TMC5: variants seen among roughly 807,000 people sequenced by gnomAD.
The protein encoded by TMC5 is transmembrane channel like 5.
TMC5 carries 86 observed loss-of-function variants against 110.5 expected under a neutral mutation model. The observed-to-expected ratio is 0.78, with a 90% CI of 0.65 to 0.93. The LOEUF is 0.93. TMC5 is among the 40% of genes least tolerant of loss of function. TMC5 has a pLI of 0.00. For synonymous variants in TMC5, 455 were observed against 439.5 expected (o/e 1.04, Z -0.44); for missense variants, 1,144 against 1,222.8 (o/e 0.94, Z 0.96).
intron 2 of TMC5, among the ~76,000 whole-genome samples, chr16:19,435,881 A>G (rs1967333490): frequency 6.6e-6 from 1 of 152,212 alleles, no homozygotes; most frequent in African/African-American, 2.4e-5. Context: ...TCTCTGTAGT[A>G]TTTCATGGGA....
intron 1 of TMC5, among the ~76,000 whole-genome samples, chr16:19,419,543 G>T (rs1311588240): frequency 6.6e-6 from 1 of 150,714 alleles, no homozygotes; most frequent in Non-Finnish European, 1.5e-5. Context: ...CTCCGGAGTA[G>T]CTGGGACTAC....
chr16:19,456,784 C>T, intron 5 of TMC5: 1 of 1,614,116 alleles, frequency 6.2e-7, no homozygotes, highest in African/African-American at 1.3e-5. Context: ...GCCACCCATC[C>T]TCAAATCAGA....
chr16:19,429,659 G>A (rs74013771), intron 1 of TMC5, among the ~76,000 whole-genome samples: 9,105 of 152,224 alleles, frequency 0.06, 519 homozygotes, highest in African/African-American at 0.15. Context: ...AAAAAGAATG[G>A]GAGCTTCCAG....
chr16:19,438,114 A>T (rs1386120407), intron 2 of TMC5, among the ~76,000 whole-genome samples: 1 of 152,160 alleles, frequency 6.6e-6, no homozygotes, highest in Non-Finnish European at 1.5e-5. Flanking sequence ...ACTGGAGGCC[A>T]GGTGCAGTGG....
intron 5 of TMC5, chr16:19,456,592 C>A: frequency 6.7e-7 from 1 of 1,490,576 alleles, no homozygotes; most frequent in East Asian, 2.3e-5. Flanking sequence ...TGGTGTATCC[C>A]TTTGTGATCA....
rs115632650 is a variant in TMC5 at position 19,496,984 on chromosome 16, G to A, written c.2932-137G>A. The A allele has an allele frequency of 6.3e-3, 4,537 of 715,048 alleles. 149 individuals are homozygous for A. In the African/African-American group the frequency reaches 0.071, roughly 11 times the overall value. The allele number at this position is 715,048 out of a possible 1,614,324, so 44.3% of individuals were successfully genotyped here. On this transcript the variant is annotated intron_variant, in intron 20 of 21. Transcript: ENST00000542583. ...AAAACATGTTCAATATTTCTATGGC[G>A]GAGACTTGGCCTTAATCTCTCATCC...
chr16:19,444,624 A>G (rs1341402330), intron 4 of TMC5, among the ~76,000 whole-genome samples: 1 of 152,206 alleles, frequency 6.6e-6, no homozygotes. Context: ...ATCTGTTCCA[A>G]AATAATTTTT....
rs1334495884 is a variant in TMC5 at position 19,472,193 on chromosome 16, G to T, written c.1888G>T (p.Ala630Ser). 9 of 1,614,030 alleles carry T rather than the reference G, an allele frequency of 5.6e-6. No homozygotes were observed. The highest frequency in any genetic ancestry group is 5.0e-5 in the Admixed American group (3 of 59,998). ...MVAWVVSTGV[A>S]IACCAAVYYL... ...AGCCTGGGTTGTCTCTACAGGAGTG[G>T]CCATAGCCTGCTGTGCAGCCGTTTA... Residue 630 changes from alanine (A) to serine (S), a missense_variant, in exon 11 of 22, where the codon GCC becomes TCC. Transcript: ENST00000542583.
intron 19 of TMC5, among the ~76,000 whole-genome samples, chr16:19,493,603 G>A (rs1968974910): frequency 6.6e-6 from 1 of 152,100 alleles, no homozygotes; most frequent in African/African-American, 2.4e-5. Context: ...TGGGATTACA[G>A]GTGTGTGCCA....
chr16:19,434,160 TA>T, intron 2 of TMC5, among the ~76,000 whole-genome samples: 1 of 52,592 alleles, frequency 1.9e-5, no homozygotes, highest in African/African-American at 4.3e-5. Context: ...TATAGATCTA[TA>T]TATGATATAT....
chr16:19,457,713 T>TTTTTC (rs1349929066), intron 5 of TMC5, among the ~76,000 whole-genome samples: 3 of 67,394 alleles, frequency 4.5e-5, no homozygotes, highest in East Asian at 6.9e-4. Context: ...TACATTCTTT[T>TTTTTC]TTTTTTTTTT....
intron 19 of TMC5, 58 bp from the exon 20 acceptor site, chr16:19,494,204 C>T: frequency 1.4e-6 from 2 of 1,388,674 alleles, no homozygotes; most frequent in Non-Finnish European, 2.0e-6. Context: ...TTCTCAATTC[C>T]ATACCATCAT....
chr16:19,429,451 A>G (rs1967151091), intron 1 of TMC5, among the ~76,000 whole-genome samples: 1 of 152,240 alleles, frequency 6.6e-6, no homozygotes. Flanking sequence ...ATCGAGGCTG[A>G]CAGCCAAAGT....
At chr16:19,413,446 C>T (rs1203173135), upstream of TMC5, among the ~76,000 whole-genome samples, 1 of 144,454 alleles carries the variant, frequency 6.9e-6, no homozygotes, top group Non-Finnish European at 1.5e-5. Flanking sequence ...ATTGCTTGAG[C>T]CCGGGAGGCA....
chr16:19,472,623 C>A (rs768559594), intron 11 of TMC5, among the ~76,000 whole-genome samples: 2 of 152,220 alleles, frequency 1.3e-5, no homozygotes, highest in Non-Finnish European at 2.9e-5. Flanking sequence ...TGTCGTTTCA[C>A]AGCCCTGGGG....
chr16:19,440,520 C>A lies in TMC5; in HGVS notation c.482C>A (p.Pro161Gln). ...THPDHFGSLE[P>Q]DYPGAQSNSD... is the part of the protein sequence containing the mutation. Reference sequence around the variant, plus strand: ...CCAGATCATTTTGGCTCCTTAGAACCGGACTACCCTGGAGCTCAGAGCAAC... The same window carrying A: ...CCAGATCATTTTGGCTCCTTAGAACAGGACTACCCTGGAGCTCAGAGCAAC... Residue 161 changes from proline (P) to glutamine (Q), a missense_variant, in exon 3 of 22, where the codon CCG (proline) becomes CAG (glutamine). Physicochemically the swap from Pro to Gln is moderately conservative, Grantham distance 76 (BLOSUM62 -1). Transcript: ENST00000542583. 6.2e-7 allele frequency: 1 copy of A among 1,614,126 alleles called. No individual in the cohort carries two copies. Among genetic ancestry groups the A allele is most frequent in the East Asian group, 2.2e-5 (1 of 44,880 alleles).
chr16:19,438,407 AAGAAGAAAG>A (rs1225377164), intron 2 of TMC5, among the ~76,000 whole-genome samples: 2 of 71,486 alleles, frequency 2.8e-5, no homozygotes, highest in African/African-American at 1.2e-4. Context: ...AAAAAAAAAA[AAGAAGAAAG>A]AAAAGAAAAA....
chr16:19,477,192 G>A (rs1968510143), intron 12 of TMC5: 1 of 333,264 alleles, frequency 3.0e-6, no homozygotes, highest in Non-Finnish European at 5.7e-6. Flanking sequence ...ATCTTGCAGT[G>A]AGCTGAGATC....
intron 13 of TMC5, among the ~76,000 whole-genome samples, chr16:19,478,948 A>G (rs1968551279): frequency 6.6e-6 from 1 of 152,204 alleles, no homozygotes; most frequent in Non-Finnish European, 1.5e-5. Flanking sequence ...AGTTTCATAA[A>G]CTGACTAATT....
Sources: gnomAD v4.1 joint callset for allele counts (sites outside exome capture counted in the v4.1 genomes callset) on GRCh38, gnomAD v4.1.1 for gene constraint, MANE v1.5 for transcripts, NCBI Gene and HGNC (gene_info 2026-07-23, HGNC 2026-07-21) for gene names.